GK5: variants seen among roughly 807,000 people sequenced by gnomAD.
GK5 encodes the protein glycerol kinase 5.
In GK5, 39 loss-of-function variants were observed where a neutral mutation model predicts 77.3. The observed-to-expected ratio is 0.50, with a 90% CI of 0.39 to 0.66. The LOEUF (loss-of-function observed/expected upper bound fraction) is 0.66. Among genes scored for constraint, GK5 ranks in the 30% least tolerant of loss-of-function variants. The pLI is 0.00. For missense variants in GK5, 487 were observed against 633.8 expected (o/e 0.77, Z 2.49); for synonymous variants, 211 against 208.0 (o/e 1.01, Z -0.13).
chr3:142,180,222 T>C (rs757382769), intron 11 of GK5, among the ~76,000 whole-genome samples: 10 of 152,116 alleles, frequency 6.6e-5, no homozygotes, highest in Non-Finnish European at 1.2e-4. Flanking sequence ...GTGGCTGCAG[T>C]GACAGCAGAC....
rs1362587423 is a variant in GK5, at chr3:142,161,860, A to T, written c.*3762T>A. On this transcript the variant is annotated 3_prime_UTR_variant, in exon 16 of 16. Coordinates refer to ENST00000392993, the MANE Select transcript of GK5 (RefSeq NM_001039547.3). ...GCCACCCAGGCTAGAGTACAGTGACACCAACTTGGCTCACTGCAGCCTCCA... is the reference window on the plus strand; with the variant it reads ...GCCACCCAGGCTAGAGTACAGTGACTCCAACTTGGCTCACTGCAGCCTCCA... 6.6e-6 allele frequency: 1 copy of T among 152,306 alleles called. No homozygotes were observed. The highest frequency in any genetic ancestry group is 2.4e-5 in the African/African-American group (1 of 41,436). The allele number at this position is 152,306 out of a possible 1,614,324, so 9.4% of individuals were successfully genotyped here.
intron 11 of GK5, among the ~76,000 whole-genome samples, chr3:142,179,200 T>C (rs1237502776): frequency 6.6e-6 from 1 of 152,212 alleles, no homozygotes; most frequent in Admixed American, 6.5e-5. Flanking sequence ...ACTAAATTAA[T>C]ATACTTAAAT....
rs191112132 is a variant in GK5 at position 142,197,926 on chromosome 3, G to C, written c.543+876C>G. Among the ~76,000 whole-genome samples, 508 of 152,096 alleles carry C rather than the reference G, an allele frequency of 3.3e-3. 2 individuals carry two copies. Among genetic ancestry groups the C allele is most frequent in the Non-Finnish European group, 4.0e-3 (273 of 68,004 alleles). ...TAATCCCAGCTACTCAGGAGGCTGAGGCAGGAGAATCGCTTGAACCTGGGA... is the reference window on the plus strand; with the variant it reads ...TAATCCCAGCTACTCAGGAGGCTGACGCAGGAGAATCGCTTGAACCTGGGA... On this transcript the variant is annotated intron_variant, in intron 5 of 15. Coordinates refer to ENST00000392993, the MANE Select transcript of GK5 (RefSeq NM_001039547.3).
At chr3:142,171,246 TA>T (rs145503517) in intron 14 of GK5, among the ~76,000 whole-genome samples, 172 bp downstream of exon 14, 19 of 149,138 alleles carry the variant, frequency 1.3e-4, no homozygotes, top group African/African-American at 3.2e-4. Context: ...AAATACAAAT[TA>T]AAAAAAAAAG....
At chr3:142,190,104 T>C (rs929929025) in intron 5 of GK5, among the ~76,000 whole-genome samples, 2 of 152,080 alleles carry the variant, frequency 1.3e-5, no homozygotes, top group Admixed American at 6.6e-5. Context: ...ATAAAAATTA[T>C]AGAACTAAAA....
At chr3:142,187,621 A>G in intron 6 of GK5, 83 bp downstream of exon 6, 5 of 982,298 alleles carry the variant, frequency 5.1e-6, no homozygotes, top group Non-Finnish European at 7.7e-6. Flanking sequence ...AAAAAAAAAA[A>G]GTAACTTCTA....
chr3:142,217,342 T>C (rs1042836419), intron 1 of GK5, among the ~76,000 whole-genome samples: 1 of 151,920 alleles, frequency 6.6e-6, no homozygotes, highest in Non-Finnish European at 1.5e-5. Context: ...ATAAAAGACA[T>C]AAAAAAGAAA....
At chr3:142,187,626 C>G (rs777381193) in intron 6 of GK5, 78 bp downstream of exon 6, 58 of 932,366 alleles carry the variant, frequency 6.2e-5, no homozygotes, top group Non-Finnish European at 8.4e-5. Flanking sequence ...AAAAAAGTAA[C>G]TTCTACTTTT....
intron 4 of GK5, among the ~76,000 whole-genome samples, chr3:142,200,546 T>G (rs2064005003): frequency 6.6e-6 from 1 of 152,216 alleles, no homozygotes; most frequent in Admixed American, 6.5e-5. Context: ...GTATTTAAAG[T>G]GACCACCCAT....
rs1043506697 is a variant in GK5 at position 142,161,552 on chromosome 3, C to T, written c.*4070G>A. Reference sequence around the variant, plus strand: ...CAGTGCTAAGTTCTGGGGAAGCAGACAGTTTCTGCTTTCAGGGAGCTTCCA... The same window carrying T: ...CAGTGCTAAGTTCTGGGGAAGCAGATAGTTTCTGCTTTCAGGGAGCTTCCA... On this transcript the variant is annotated 3_prime_UTR_variant, in exon 16 of 16. Transcript: ENST00000392993. 4 of 152,218 alleles carry T rather than the reference C, an allele frequency of 2.6e-5. No homozygotes were observed. Among genetic ancestry groups the T allele is most frequent in the Admixed American group, 2.6e-4 (4 of 15,274 alleles). 9.4% of individuals were successfully genotyped at this position (152,218 alleles called of 1,614,324 possible).
chr3:142,200,681 G>T (rs1057275186), intron 4 of GK5, among the ~76,000 whole-genome samples: 6 of 152,180 alleles, frequency 3.9e-5, no homozygotes, highest in Non-Finnish European at 1.5e-5. Context: ...CTGTTAAAAT[G>T]TAGATAACTC....
chr3:142,218,260 TG>T (rs1398916248), intron 1 of GK5, among the ~76,000 whole-genome samples: 1 of 146,286 alleles, frequency 6.8e-6, no homozygotes, highest in African/African-American at 2.5e-5. Flanking sequence ...AGGCCAGTCA[TG>T]GTGGCTCACG....
intron 15 of GK5, among the ~76,000 whole-genome samples, chr3:142,166,761 C>T (rs1292200023): frequency 6.6e-6 from 1 of 152,166 alleles, no homozygotes; most frequent in African/African-American, 2.4e-5. Context: ...TCTCAAACTC[C>T]TGGCCTCAAA....
At chr3:142,201,489 G>C (rs1476708483) in intron 4 of GK5, among the ~76,000 whole-genome samples, 1 of 152,210 alleles carries the variant, frequency 6.6e-6, no homozygotes, top group Non-Finnish European at 1.5e-5. Context: ...ATGAGAGAGG[G>C]TAGGGAGGTG....
At chr3:142,215,315 G>A (rs1373443333) in intron 2 of GK5, among the ~76,000 whole-genome samples, 2 of 152,140 alleles carry the variant, frequency 1.3e-5, no homozygotes, top group Admixed American at 6.5e-5. Context: ...TGCCAAACAG[G>A]AAATCAAAAC....
chr3:142,225,005 C>T (rs77124431), intron 1 of GK5, among the ~76,000 whole-genome samples: 2 of 152,196 alleles, frequency 1.3e-5, no homozygotes, highest in Non-Finnish European at 2.9e-5. Context: ...CAGTCCCATC[C>T]AGGTAAGGCC....
intron 4 of GK5, among the ~76,000 whole-genome samples, chr3:142,202,318 T>C (rs912993831): frequency 3.9e-4 from 59 of 152,168 alleles, no homozygotes; most frequent in African/African-American, 1.3e-3. Context: ...AAAGCAACAG[T>C]GGCAAGAGAT....
At chr3:142,186,997 T>C (rs1011346929) in intron 6 of GK5, among the ~76,000 whole-genome samples, 6 of 152,164 alleles carry the variant, frequency 3.9e-5, no homozygotes, top group Non-Finnish European at 8.8e-5. Context: ...TGAACTTTTA[T>C]AGTTGTGCAA....
intron 5 of GK5, among the ~76,000 whole-genome samples, chr3:142,192,194 C>T (rs908559608): frequency 6.6e-6 from 1 of 152,038 alleles, no homozygotes; most frequent in Non-Finnish European, 1.5e-5. Context: ...AGCTAAAATC[C>T]AAAGCACTGA....
Sources: gnomAD v4.1 joint callset for allele counts (sites outside exome capture counted in the v4.1 genomes callset) on GRCh38, gnomAD v4.1.1 for gene constraint, MANE v1.5 for transcripts, NCBI Gene and HGNC (gene_info 2026-07-23, HGNC 2026-07-21) for gene names.